AMMECR1: variants seen among roughly 807,000 people sequenced by gnomAD.
AMMECR1 encodes nuclear protein AMMECR1.
A neutral mutation model predicts 22.5 loss-of-function variants in AMMECR1; 3 were observed. The observed-to-expected ratio is 0.13, with a 90% confidence interval of 0.06 to 0.35. AMMECR1 has a LOEUF of 0.35. Ranked by LOEUF, AMMECR1 falls within the 10% of genes least tolerant of loss-of-function variation. The pLI is 1.00. For synonymous variants in AMMECR1, 130 were observed against 116.7 expected (o/e 1.11, Z -0.74); for missense variants, 235 against 278.7 (o/e 0.84, Z 1.12).
chrX:110,325,073 C>A (rs1296583120), intron 2 of AMMECR1, among the ~76,000 whole-genome samples: 1 of 111,460 alleles, frequency 9.0e-6, no homozygotes, highest in East Asian at 2.8e-4. Flanking sequence ...GGTGTTTATT[C>A]TTCTTTAAAT....
At chrX:110,268,261 C>T (rs759309176) in intron 1 of AMMECR1, among the ~76,000 whole-genome samples, 19 of 111,737 alleles carry the variant, frequency 1.7e-4, no homozygotes, top group Admixed American at 4.8e-4. Flanking sequence ...GTTGGGATTG[C>T]GGGGAAGTAT....
At chrX:110,222,615 A>C (rs2067509401) in intron 2 of AMMECR1, among the ~76,000 whole-genome samples, 4 of 107,929 alleles carry the variant, frequency 3.7e-5, no homozygotes, top group Admixed American at 2.0e-4. Flanking sequence ...ATATTATCCA[A>C]TTCTGGAAAA....
At chrX:110,390,311 A>G (rs1174327650) in intron 2 of AMMECR1, among the ~76,000 whole-genome samples, 2 of 111,999 alleles carry the variant, frequency 1.8e-5, no homozygotes, top group Non-Finnish European at 3.8e-5. Flanking sequence ...AATAAAATAA[A>G]TGTTTACAAG....
intron 1 of AMMECR1, among the ~76,000 whole-genome samples, chrX:110,307,467 TC>T (rs1167247519): frequency 8.9e-6 from 1 of 111,811 alleles, no homozygotes; most frequent in Non-Finnish European, 1.9e-5. Context: ...CCTGGGTCTA[TC>T]ATTTAATAGT....
At chrX:110,286,224 T>TA (rs201308473) in intron 1 of AMMECR1, among the ~76,000 whole-genome samples, 1,631 of 111,745 alleles carry the variant, frequency 0.015, 17 homozygotes, top group Admixed American at 0.036. Flanking sequence ...AAATCCAGAA[T>TA]ATATGGTTAC....
chrX:110,282,864 T>C (rs919384756), intron 1 of AMMECR1, among the ~76,000 whole-genome samples: 4 of 111,537 alleles, frequency 3.6e-5, no homozygotes, highest in African/African-American at 1.3e-4. Flanking sequence ...GGTGCTTTCA[T>C]ATGCATTTTC....
At position 110,217,502 on chromosome X, in the gene AMMECR1, TACACACACACACAC is replaced by T. The variant is rs759487797; in HGVS notation, c.585-884_585-871del. 9.0e-3 allele frequency among the ~76,000 whole-genome samples: 796 copies of T among 88,574 alleles called. 7 individuals carry two copies. The highest frequency in any genetic ancestry group is 0.028 in the African/African-American group (700 of 24,948). 76.9% of individuals were successfully genotyped at this position (88,574 alleles called of 115,157 possible). On this transcript the variant is annotated intron_variant, in intron 2 of 5. Coordinates refer to ENST00000262844, the MANE Select transcript of AMMECR1 (RefSeq NM_015365.3). ...ATTCTTCCTGCAACGGAATAGAAAA[TACACACACACACAC>T]ACACACACACACACACACACACACA...
intron 2 of AMMECR1, among the ~76,000 whole-genome samples, chrX:110,243,836 G>A (rs2067645201): frequency 2.7e-5 from 3 of 111,248 alleles, no homozygotes; most frequent in African/African-American, 9.8e-5. Flanking sequence ...AAGATACAAT[G>A]TATAATAATG....
chrX:110,318,054 G>A lies in AMMECR1; in HGVS notation c.18C>T (p.Cys6=), dbSNP rs757962710. The A allele has an allele frequency of 2.6e-5, 31 of 1,200,673 alleles. No homozygotes were observed. Among genetic ancestry groups the A allele is most frequent in the Non-Finnish European group, 3.4e-5 (30 of 891,008 alleles). Residue 6 remains cysteine, a synonymous_variant, in exon 1 of 6, where the codon TGC becomes TGT. Transcript: ENST00000262844. ...TGGACAGTTTCTGCTTCTTCACCCC[G>A]CAGCAACCCGCCGCCATCTTGGAAC... The part of the protein sequence containing the change: MAAGC[C]GVKKQKLSSS...
chrX:110,346,160 G>C (rs2068188073), intron 2 of AMMECR1, among the ~76,000 whole-genome samples: 1 of 111,992 alleles, frequency 8.9e-6, no homozygotes, highest in Admixed American at 9.5e-5. Context: ...GAATATTGAA[G>C]TATTTGCATA....
intron 1 of AMMECR1, among the ~76,000 whole-genome samples, chrX:110,280,746 G>A (rs2067848293): frequency 9.0e-6 from 1 of 111,212 alleles, no homozygotes; most frequent in South Asian, 3.7e-4. Context: ...CATACTGTAT[G>A]GTTTTGTATA....
At chrX:110,395,212 G>T (rs1450713964) in intron 2 of AMMECR1, among the ~76,000 whole-genome samples, 2 of 112,021 alleles carry the variant, frequency 1.8e-5, no homozygotes, top group East Asian at 5.6e-4. Context: ...ACACCAGAGG[G>T]TCTCCACTTC....
rs1253190287 is a variant in AMMECR1 at position 110,195,278 on chromosome X, C to A, written c.*3242G>T. 1 of 111,695 alleles carries A rather than the reference C, an allele frequency of 9.0e-6. No individual in the cohort carries two copies. Among genetic ancestry groups the A allele is most frequent in the Non-Finnish European group, 1.9e-5 (1 of 53,133 alleles). The allele number at this position is 111,695 out of a possible 1,213,427, so 9.2% of individuals were successfully genotyped here. A position where few individuals can be genotyped will look rare whatever the true frequency, so the allele number is the denominator to read the frequency against. On this transcript the variant is annotated 3_prime_UTR_variant, in exon 6 of 6. Transcript: ENST00000262844. Reference sequence around the variant, plus strand: ...TAAGGGTGAGGGGAAGCAAGCCTTGCACTTCCTCCATCAATTTCACTGACC... The same window carrying A: ...TAAGGGTGAGGGGAAGCAAGCCTTGAACTTCCTCCATCAATTTCACTGACC...
intron 2 of AMMECR1, among the ~76,000 whole-genome samples, chrX:110,250,796 A>G (rs1457719073): frequency 8.9e-6 from 1 of 111,937 alleles, no homozygotes; most frequent in Non-Finnish European, 1.9e-5. Context: ...AGAGAGATTA[A>G]AGTATCTGAT....
At chrX:110,222,340 G>C (rs1187658438) in intron 2 of AMMECR1, among the ~76,000 whole-genome samples, 9 of 92,174 alleles carry the variant, frequency 9.8e-5, no homozygotes, top group African/African-American at 3.6e-4. Context: ...GTAAACTATC[G>C]CAAGAACAAA....
At chrX:110,241,235 C>A (rs765293401) in intron 2 of AMMECR1, among the ~76,000 whole-genome samples, 3 of 110,102 alleles carry the variant, frequency 2.7e-5, no homozygotes, top group Non-Finnish European at 5.7e-5. Flanking sequence ...AAGATCAGAG[C>A]AGAACTGAAG....
At chrX:110,222,831 G>A (rs867143814) in intron 2 of AMMECR1, among the ~76,000 whole-genome samples, 49 of 110,665 alleles carry the variant, frequency 4.4e-4, no homozygotes, top group Middle Eastern at 9.2e-3. Context: ...GGAGATAAAG[G>A]ATAACAGGTT....
chrX:110,392,405 A>G (rs1159722680), intron 2 of AMMECR1, among the ~76,000 whole-genome samples: 1 of 108,508 alleles, frequency 9.2e-6, no homozygotes, highest in African/African-American at 3.4e-5. Context: ...CCTCCCAAGT[A>G]GTTAGGACTT....
chrX:110,281,060 G>A (rs2067850026), intron 1 of AMMECR1, among the ~76,000 whole-genome samples: 1 of 112,265 alleles, frequency 8.9e-6, no homozygotes, highest in South Asian at 3.6e-4. Context: ...ACTTCACTGA[G>A]TTAAAATTTC....
Sources: allele counts gnomAD v4.1 joint callset (sites outside exome capture counted in the v4.1 genomes callset), GRCh38; gene constraint gnomAD v4.1.1; transcripts MANE v1.5; gene names NCBI Gene and HGNC (gene_info 2026-07-23, HGNC 2026-07-21).